NCAM2: variants seen among roughly 807,000 people sequenced by gnomAD.
NCAM2 encodes the protein neural cell adhesion molecule 2.
In NCAM2, 30 loss-of-function variants were observed where a neutral mutation model predicts 98.1. The ratio of observed to expected loss-of-function variants is 0.31; its 90% CI spans 0.23 to 0.41. The LOEUF is 0.41. Ranked by LOEUF, NCAM2 falls within the 10% of genes least tolerant of loss-of-function variation. The probability of loss-of-function intolerance (pLI) is 1.00; values close to 1 mark genes in which losing one functional copy is unlikely to be tolerated. For synonymous variants in NCAM2, 368 were observed against 342.4 expected, an observed-to-expected ratio of 1.07 and a Z score of -0.83; for missense variants, 867 against 1,005.8, an observed-to-expected ratio of 0.86 and a Z score of 1.87.
intron 1 of NCAM2, among the ~76,000 whole-genome samples, chr21:21,169,811 A>T (rs968118870): frequency 7.2e-5 from 11 of 152,004 alleles, no homozygotes; most frequent in Non-Finnish European, 1.5e-4. Context: ...TATAAAAAGT[A>T]GCCTGATGTG....
chr21:21,402,931 G>A (rs2076663540), intron 9 of NCAM2, among the ~76,000 whole-genome samples: 1 of 152,026 alleles, frequency 6.6e-6, no homozygotes, highest in African/African-American at 2.4e-5. Flanking sequence ...AAGCATATAA[G>A]GGTTATCTTT....
At chr21:21,012,324 A>G (rs1287643016) in intron 1 of NCAM2, among the ~76,000 whole-genome samples, 2 of 152,158 alleles carry the variant, frequency 1.3e-5, no homozygotes, top group Non-Finnish European at 2.9e-5. Flanking sequence ...TATGAGCTGT[A>G]TCTTTAAATG....
chr21:21,428,606 A>G (rs2077264729), intron 11 of NCAM2, among the ~76,000 whole-genome samples: 1 of 152,228 alleles, frequency 6.6e-6, no homozygotes, highest in Non-Finnish European at 1.5e-5. Context: ...AGATAGGGCC[A>G]GGGCTTGGGA....
chr21:21,134,478 A>G (rs2067001466), intron 1 of NCAM2, among the ~76,000 whole-genome samples: 1 of 151,960 alleles, frequency 6.6e-6, no homozygotes, highest in South Asian at 2.1e-4. Context: ...GTTTTTGTCT[A>G]TAGGAGTTAA....
chr21:21,388,184 T>A (rs1176020582), intron 9 of NCAM2, among the ~76,000 whole-genome samples: 1 of 152,190 alleles, frequency 6.6e-6, no homozygotes, highest in Non-Finnish European at 1.5e-5. Flanking sequence ...TTTAAAGTGT[T>A]TGTTCACATC....
intron 12 of NCAM2, among the ~76,000 whole-genome samples, chr21:21,446,944 A>G (rs181317558): frequency 1.5e-4 from 23 of 152,300 alleles, no homozygotes; most frequent in Admixed American, 1.4e-3. Flanking sequence ...CATGGATAGG[A>G]AGAATCAATA....
intron 15 of NCAM2, among the ~76,000 whole-genome samples, chr21:21,478,404 A>G (rs959102139): frequency 2.0e-5 from 3 of 151,964 alleles, no homozygotes; most frequent in African/African-American, 7.2e-5. Context: ...ATAGATATAT[A>G]ATATTTTTGA....
chr21:21,366,037 T>TG (rs1408235574), intron 8 of NCAM2, among the ~76,000 whole-genome samples: 3 of 152,038 alleles, frequency 2.0e-5, no homozygotes, highest in Non-Finnish European at 4.4e-5. Flanking sequence ...GCTGTGAGTA[T>TG]GGGGTGGACA....
chr21:21,402,834 C>T (rs900477232), intron 9 of NCAM2, among the ~76,000 whole-genome samples: 4 of 152,080 alleles, frequency 2.6e-5, no homozygotes, highest in African/African-American at 9.7e-5. Context: ...GGGGTGGGTT[C>T]CCCTGATAGG....
At chr21:21,268,453 G>T (rs1281441455) in intron 1 of NCAM2, among the ~76,000 whole-genome samples, 1 of 152,128 alleles carries the variant, frequency 6.6e-6, no homozygotes, top group African/African-American at 2.4e-5. Flanking sequence ...AGTGTTTAAC[G>T]TTGATGCAGG....
At chr21:21,353,860 C>T (rs939823358) in intron 8 of NCAM2, among the ~76,000 whole-genome samples, 1 of 152,224 alleles carries the variant, frequency 6.6e-6, no homozygotes, top group East Asian at 1.9e-4. Flanking sequence ...TTGTGCTCCA[C>T]AAAACAAGTT....
intron 1 of NCAM2, among the ~76,000 whole-genome samples, chr21:21,074,740 C>A (rs1170095915): frequency 1.3e-5 from 2 of 152,160 alleles, no homozygotes; most frequent in Non-Finnish European, 2.9e-5. Context: ...TCTATCTTTT[C>A]TTCTTGTCTG....
intron 11 of NCAM2, among the ~76,000 whole-genome samples, chr21:21,425,996 G>A (rs529620584): frequency 2.0e-5 from 3 of 151,324 alleles, no homozygotes; most frequent in Non-Finnish European, 3.0e-5. Flanking sequence ...TTTGGTGTAG[G>A]TCCAATAACC....
intron 1 of NCAM2, among the ~76,000 whole-genome samples, chr21:21,266,580 A>G (rs1456878657): frequency 6.6e-6 from 1 of 152,134 alleles, no homozygotes; most frequent in African/African-American, 2.4e-5. Flanking sequence ...AGGGACATGG[A>G]TGAAGCTGGA....
At chr21:21,354,424 T>C (rs1320964652) in intron 8 of NCAM2, among the ~76,000 whole-genome samples, 1 of 152,216 alleles carries the variant, frequency 6.6e-6, no homozygotes, top group African/African-American at 2.4e-5. Context: ...TTTTATTTAT[T>C]CTTATCTGTA....
chr21:21,182,577 T>C (rs1179274513), intron 1 of NCAM2, among the ~76,000 whole-genome samples: 1 of 152,126 alleles, frequency 6.6e-6, no homozygotes, highest in Non-Finnish European at 1.5e-5. Flanking sequence ...ATCTATAAAT[T>C]TTGTCATGTG....
At chr21:21,004,248 G>A (rs749434882) in intron 1 of NCAM2, among the ~76,000 whole-genome samples, 17 of 152,066 alleles carry the variant, frequency 1.1e-4, no homozygotes, top group Non-Finnish European at 2.5e-4. Flanking sequence ...AGCACTTTTT[G>A]AGGCCTTAAA....
At chr21:21,393,101 C>T (rs2076417036) in intron 9 of NCAM2, among the ~76,000 whole-genome samples, 2 of 152,070 alleles carry the variant, frequency 1.3e-5, no homozygotes, top group South Asian at 4.1e-4. Flanking sequence ...AGTCTTTCAT[C>T]CATCTTGAGT....
chr21:21,100,196 A>G (rs1416749620), intron 1 of NCAM2, among the ~76,000 whole-genome samples: 1 of 151,970 alleles, frequency 6.6e-6, no homozygotes, highest in Non-Finnish European at 1.5e-5. Context: ...CTTTTTAGGA[A>G]GGTAAAGTTC....
Sources: allele counts gnomAD v4.1 joint callset (sites outside exome capture counted in the v4.1 genomes callset), GRCh38; gene constraint gnomAD v4.1.1; transcripts MANE v1.5; gene names NCBI Gene and HGNC (gene_info 2026-07-23, HGNC 2026-07-21).